The following FOXN3 variants were observed in gnomAD, a reference collection of about 807,000 sequenced individuals.
FOXN3 encodes forkhead box N3, also known as forkhead box protein N3.
In FOXN3, 7 loss-of-function variants were observed where a neutral mutation model predicts 38.4. The ratio of observed to expected loss-of-function variants is 0.18; its 90% CI spans 0.10 to 0.34. The LOEUF (loss-of-function observed/expected upper bound fraction) is 0.34, where lower values mean the gene tolerates loss of function less well. Ranked by LOEUF, FOXN3 falls within the 10% of genes least tolerant of loss-of-function variation. The pLI, the probability that FOXN3 is intolerant of heterozygous loss-of-function variation, is 1.00. For synonymous variants in FOXN3, 230 were observed against 242.2 expected (o/e 0.95, Z 0.47); for missense variants, 456 against 613.4 (o/e 0.74, Z 2.71).
At chr14:89,228,254 G>A (rs1467660464) in intron 4 of FOXN3, among the ~76,000 whole-genome samples, 2 of 152,224 alleles carry the variant, frequency 1.3e-5, no homozygotes, top group African/African-American at 4.8e-5. Context: ...CATTAGCAAA[G>A]CTCAGGAAGA....
intron 2 of FOXN3, among the ~76,000 whole-genome samples, chr14:89,403,062 A>T (rs757530344): frequency 2.6e-5 from 4 of 152,216 alleles, no homozygotes; most frequent in Non-Finnish European, 4.4e-5. Flanking sequence ...TTTGAATGAT[A>T]CCAATCTCAC....
intron 1 of FOXN3, among the ~76,000 whole-genome samples, chr14:89,490,492 C>T (rs776261637): frequency 9.9e-5 from 15 of 152,244 alleles, no homozygotes; most frequent in Non-Finnish European, 2.1e-4. Context: ...TAGGTCCACA[C>T]ACCTGGGGCG....
chr14:89,386,840 G>A (rs765440059), intron 2 of FOXN3, among the ~76,000 whole-genome samples: 4 of 152,116 alleles, frequency 2.6e-5, no homozygotes, highest in Non-Finnish European at 2.9e-5. Flanking sequence ...CTTGGTGTGC[G>A]TGCATGAATA....
chr14:89,405,714 T>A (rs1891369994), intron 2 of FOXN3, among the ~76,000 whole-genome samples: 1 of 152,152 alleles, frequency 6.6e-6, no homozygotes, highest in African/African-American at 2.4e-5. Flanking sequence ...TACAAAAATA[T>A]ACTCTGTATT....
chr14:89,318,092 T>C (rs1191382940), intron 3 of FOXN3, among the ~76,000 whole-genome samples: 1 of 151,748 alleles, frequency 6.6e-6, no homozygotes, highest in Non-Finnish European at 1.5e-5. Flanking sequence ...GTAAGTTTCT[T>C]TAGAGTAGTA....
intron 1 of FOXN3, among the ~76,000 whole-genome samples, chr14:89,601,239 T>C (rs1164762462): frequency 5.3e-5 from 8 of 152,242 alleles, no homozygotes; most frequent in Non-Finnish European, 8.8e-5. Context: ...ATAATCTGCA[T>C]ATTTAAGATG....
intron 1 of FOXN3, among the ~76,000 whole-genome samples, chr14:89,460,100 G>A (rs1429416988): frequency 6.6e-6 from 1 of 152,148 alleles, no homozygotes; most frequent in East Asian, 1.9e-4. Flanking sequence ...GCTACTTCTC[G>A]ATGTGGGGAA....
At chr14:89,526,169 A>G (rs147981110) in intron 1 of FOXN3, among the ~76,000 whole-genome samples, 196 of 152,328 alleles carry the variant, frequency 1.3e-3, no homozygotes, top group African/African-American at 4.6e-3. Context: ...AGCTACTATT[A>G]TATCAGGACT....
chr14:89,499,154 CCCCACCCTGCCTGTCA>C (rs1216919502), intron 1 of FOXN3, among the ~76,000 whole-genome samples: 1 of 152,144 alleles, frequency 6.6e-6, no homozygotes, highest in Non-Finnish European at 1.5e-5. Flanking sequence ...CCTCCTCCCA[CCCCACCCTGCCTGTCA>C]GGGTATCAGC....
intron 3 of FOXN3, among the ~76,000 whole-genome samples, chr14:89,287,363 G>A (rs1181290915): frequency 6.6e-6 from 1 of 152,052 alleles, no homozygotes; most frequent in African/African-American, 2.4e-5. Context: ...CATTGGCCAG[G>A]CTTGTCTCGA....
At chr14:89,340,702 T>C (rs888747652) in intron 3 of FOXN3, among the ~76,000 whole-genome samples, 1 of 151,890 alleles carries the variant, frequency 6.6e-6, no homozygotes, top group Admixed American at 6.6e-5. Flanking sequence ...GGATAAACAA[T>C]AGGGGGGAGG....
At chr14:89,283,468 A>C (rs139295431) in intron 3 of FOXN3, among the ~76,000 whole-genome samples, 11 of 152,276 alleles carry the variant, frequency 7.2e-5, no homozygotes, top group African/African-American at 2.4e-4. Context: ...TTGGCCTTTA[A>C]AGCTTAAAGT....
At chr14:89,603,720 TCA>T (rs1220602120) in intron 1 of FOXN3, among the ~76,000 whole-genome samples, 2 of 152,090 alleles carry the variant, frequency 1.3e-5, no homozygotes, top group Non-Finnish European at 2.9e-5. Context: ...ATTCATGAGC[TCA>T]CACAAAAAAA....
intron 5 of FOXN3, 28 bp downstream of exon 5, chr14:89,180,673 G>GGC: frequency 6.5e-7 from 1 of 1,530,738 alleles, no homozygotes; most frequent in Non-Finnish European, 8.9e-7. Context: ...TCCCCAGGCT[G>GGC]GCTCTGCCCA....
chr14:89,220,156 G>A (rs574921983), intron 4 of FOXN3, among the ~76,000 whole-genome samples: 10 of 152,256 alleles, frequency 6.6e-5, no homozygotes, highest in African/African-American at 2.2e-4. Flanking sequence ...ATCTCCCAGA[G>A]AAGCCACATG....
intron 1 of FOXN3, among the ~76,000 whole-genome samples, chr14:89,607,247 A>G (rs1284584267): frequency 2.0e-5 from 3 of 152,180 alleles, no homozygotes; most frequent in Non-Finnish European, 4.4e-5. Flanking sequence ...CCCCATTTAA[A>G]GACCACCAAG....
At chr14:89,486,182 C>T (rs1443988561) in intron 1 of FOXN3, among the ~76,000 whole-genome samples, 2 of 152,166 alleles carry the variant, frequency 1.3e-5, no homozygotes, top group Non-Finnish European at 2.9e-5. Flanking sequence ...TTGAACTCAA[C>T]TAAAAGTACA....
At chr14:89,564,107 G>A (rs936748857) in intron 1 of FOXN3, among the ~76,000 whole-genome samples, 10 of 152,044 alleles carry the variant, frequency 6.6e-5, no homozygotes, top group East Asian at 1.9e-4. Flanking sequence ...CACCCGCCTC[G>A]GCCTCCCAAA....
intron 3 of FOXN3, among the ~76,000 whole-genome samples, chr14:89,298,742 T>C (rs764490994): frequency 2.6e-4 from 40 of 152,274 alleles, no homozygotes; most frequent in Non-Finnish European, 4.0e-4. Context: ...TGTGACAAAA[T>C]AACCATCCTG....
Sources: allele counts gnomAD v4.1 joint callset (sites outside exome capture counted in the v4.1 genomes callset), GRCh38; gene constraint gnomAD v4.1.1; transcripts MANE v1.5; gene names NCBI Gene and HGNC (gene_info 2026-07-23, HGNC 2026-07-21).